PRKRIP1: variants seen among roughly 807,000 people sequenced by gnomAD.
PRKRIP1 encodes the protein PRKR interacting protein 1.
Under a neutral mutation model 29.3 loss-of-function variants are expected in PRKRIP1, and 29 were observed. That is an observed-to-expected ratio of 0.99 (90% CI 0.74 to 1.35). The LOEUF (loss-of-function observed/expected upper bound fraction) is 1.35, where lower values mean the gene tolerates loss of function less well. Ranked by LOEUF, PRKRIP1 falls within the 40% of genes most tolerant of loss-of-function variation. The pLI is 0.00. For missense variants in PRKRIP1, 247 were observed against 236.8 expected, an observed-to-expected ratio of 1.04 and a Z score of -0.28; for synonymous variants, 90 against 85.1, an observed-to-expected ratio of 1.06 and a Z score of -0.32.
intron 5 of PRKRIP1, among the ~76,000 whole-genome samples, chr7:102,412,710 G>C (rs187784027): frequency 6.6e-6 from 1 of 152,172 alleles, no homozygotes; most frequent in African/African-American, 2.4e-5. Context: ...TTGGTGCGCC[G>C]TGGGTCCTGG....
chr7:102,402,005 C>G (rs1796086665), intron 3 of PRKRIP1, among the ~76,000 whole-genome samples: 1 of 152,160 alleles, frequency 6.6e-6, no homozygotes, highest in Admixed American at 6.6e-5. Context: ...TTCCTGGCCC[C>G]TGGGTGTTGG....
At chr7:102,419,845 T>TTTTG (rs1235052329) in intron 5 of PRKRIP1, among the ~76,000 whole-genome samples, 2 of 142,718 alleles carry the variant, frequency 1.4e-5, no homozygotes, top group African/African-American at 5.4e-5. Flanking sequence ...TTTTGTGTTT[T>TTTTG]TGTGTGTGTG....
chr7:102,398,239 T>C (rs1411164833), intron 2 of PRKRIP1, among the ~76,000 whole-genome samples: 1 of 152,170 alleles, frequency 6.6e-6, no homozygotes, highest in Non-Finnish European at 1.5e-5. Context: ...TTTGGCACTA[T>C]AGAATTTTCT....
At chr7:102,396,612 G>C (rs1795905801) in intron 1 of PRKRIP1, 75 bp downstream of exon 1, 3 of 1,489,928 alleles carry the variant, frequency 2.0e-6, no homozygotes, top group Non-Finnish European at 2.7e-6. Context: ...GGTTCCCGCA[G>C]GTCCACCTTC....
At chr7:102,399,509 C>T in intron 2 of PRKRIP1, 39 bp from the exon 3 acceptor site, 2 of 1,556,006 alleles carry the variant, frequency 1.3e-6, no homozygotes, top group Non-Finnish European at 1.8e-6. Flanking sequence ...GTGTTGGTAA[C>T]TGAATTTCAT....
At chr7:102,421,360 A>G (rs1321653245) in intron 5 of PRKRIP1, among the ~76,000 whole-genome samples, 2 of 151,654 alleles carry the variant, frequency 1.3e-5, no homozygotes, top group Admixed American at 6.6e-5. Context: ...CCTGGGCAAC[A>G]TGGTTGAGAC....
chr7:102,397,570 A>AT, intron 1 of PRKRIP1, 50 bp from the exon 2 acceptor site: 1 of 1,455,938 alleles, frequency 6.9e-7, no homozygotes, highest in Non-Finnish European at 9.6e-7. Flanking sequence ...GAGATATATA[A>AT]TTTTGTCAAC....
At chr7:102,400,170 C>T (rs2410990) in intron 3 of PRKRIP1, among the ~76,000 whole-genome samples, 138,407 of 151,954 alleles carry the variant, frequency 0.91, 63,151 homozygotes, top group East Asian at 1. Flanking sequence ...ATTAGCTGGG[C>T]GTGGTGGTGG....
chr7:102,405,349 G>C (rs1586679712), intron 4 of PRKRIP1, among the ~76,000 whole-genome samples: 1 of 152,192 alleles, frequency 6.6e-6, no homozygotes, highest in African/African-American at 2.4e-5. Context: ...ATGTGTATCT[G>C]TGTGTTTACA....
chr7:102,425,256 T>C lies in PRKRIP1; in HGVS notation c.*145T>C, dbSNP rs1554574319. ...GAGACCCCTCCCGAGCCGCTCACAG[T>C]CCTGTATTTGGCAGGTTTGGGAGCC... On this transcript the variant is annotated 3_prime_UTR_variant, in exon 6 of 6. Coordinates refer to ENST00000397912, the MANE Select transcript of PRKRIP1 (RefSeq NM_024653.4). The C allele has an allele frequency of 1.3e-6, 2 of 1,494,446 alleles. No individual in the cohort carries two copies. Among genetic ancestry groups the C allele is most frequent in the Admixed American group, 4.6e-5 (2 of 43,186 alleles). The allele number at this position is 1,494,446 out of a possible 1,614,324, so 92.6% of individuals were successfully genotyped here.
rs1554570340 is a variant in PRKRIP1 at position 102,396,455 on chromosome 7, A to G, written c.44A>G (p.Lys15Arg). The change falls in exon 1 of 6, where the codon AAG becomes AGG. Residue 15 changes from lysine to arginine, a missense_variant. This residue lies in a region of PRKRIP1 where 105 missense variants were observed against 80.2 expected (regional missense o/e 1.31). Coordinates refer to ENST00000397912, the MANE Select transcript of PRKRIP1 (RefSeq NM_024653.4). ...TCCTCGGTGCGACCACCGAGGCCCA[A>G]GAAAGAGCCGCAGACGCTCGTCATC... ...AASSVRPPRP[K>R]KEPQTLVIPK... 3.1e-6 allele frequency: 5 copies of G among 1,607,868 alleles called. No homozygotes were observed. Among genetic ancestry groups the G allele is most frequent in the South Asian group, 2.2e-5 (2 of 90,888 alleles).
intron 2 of PRKRIP1, 93 bp from the exon 3 acceptor site, chr7:102,399,455 T>G: frequency 1.0e-6 from 1 of 986,334 alleles, no homozygotes; most frequent in East Asian, 2.4e-5. Flanking sequence ...CTTCCACGAC[T>G]TCCACTTTTT....
At chr7:102,420,605 C>T (rs182625685) in intron 5 of PRKRIP1, among the ~76,000 whole-genome samples, 5 of 152,244 alleles carry the variant, frequency 3.3e-5, no homozygotes, top group Admixed American at 2.0e-4. Flanking sequence ...TCTGTGCCCC[C>T]GGTTTCTGGG....
intron 3 of PRKRIP1, among the ~76,000 whole-genome samples, chr7:102,400,175 TG>T (rs1373975589): frequency 1.3e-5 from 2 of 149,458 alleles, no homozygotes; most frequent in African/African-American, 5.0e-5. Context: ...CTGGGCGTGG[TG>T]GTGGGCAACT....
intron 3 of PRKRIP1, among the ~76,000 whole-genome samples, chr7:102,401,373 A>G (rs1253561712): frequency 6.6e-6 from 1 of 152,222 alleles, no homozygotes; most frequent in Non-Finnish European, 1.5e-5. Flanking sequence ...AACCAAAGAG[A>G]CAGCCAGGAT....
chr7:102,398,211 G>A (rs1373789479), intron 2 of PRKRIP1, among the ~76,000 whole-genome samples: 4 of 152,098 alleles, frequency 2.6e-5, no homozygotes, highest in African/African-American at 9.7e-5. Flanking sequence ...TTAGCTTAAG[G>A]GCTATAGTTG....
At chr7:102,416,798 G>A (rs1796560741) in intron 5 of PRKRIP1, among the ~76,000 whole-genome samples, 1 of 151,646 alleles carries the variant, frequency 6.6e-6, no homozygotes, top group Non-Finnish European at 1.5e-5. Flanking sequence ...TCCTTCCTCA[G>A]CCTCCTGAGT....
rs139830311 is a variant in PRKRIP1 at position 102,416,333 on chromosome 7, G to C, written c.458-8681G>C. On this transcript the variant is annotated intron_variant, in intron 5 of 5. Transcript: ENST00000397912. ...CTTCCTAAATTAACCTGGTACATTGGTCACAGTGTGTGAACCCACATCGAT... is the reference window on the plus strand; with the variant it reads ...CTTCCTAAATTAACCTGGTACATTGCTCACAGTGTGTGAACCCACATCGAT... Among the ~76,000 whole-genome samples the C allele has an allele frequency of 6.9e-3, 1,053 of 152,300 alleles. 11 individuals are homozygous for C. Among genetic ancestry groups the C allele is most frequent in the African/African-American group, 0.024 (994 of 41,558 alleles).
intron 5 of PRKRIP1, among the ~76,000 whole-genome samples, chr7:102,418,587 A>C (rs1391878959): frequency 2.0e-5 from 3 of 152,166 alleles, no homozygotes; most frequent in African/African-American, 7.2e-5. Context: ...AGTCTAGCCC[A>C]GTATGACATA....
Sources: allele counts gnomAD v4.1 joint callset (sites outside exome capture counted in the v4.1 genomes callset), GRCh38; gene constraint gnomAD v4.1.1; regional missense constraint gnomAD v4.1.1; transcripts MANE v1.5; gene names NCBI Gene and HGNC (gene_info 2026-07-23, HGNC 2026-07-21).